Variants in TBC1D8B observed in about 807,000 individuals in gnomAD.
The protein encoded by TBC1D8B is TBC1 domain family member 8B, also known as RP11-321G1.1.
In TBC1D8B, 75 loss-of-function variants were observed where a neutral mutation model predicts 82.9. The observed-to-expected ratio is 0.90, with a 90% CI of 0.75 to 1.10. The LOEUF is 1.10. TBC1D8B is among the 50% of genes least tolerant of loss of function. The pLI is 0.00. For synonymous variants in TBC1D8B, 276 were observed against 276.8 expected, an observed-to-expected ratio of 1.00 and a Z score of 0.03; for missense variants, 794 against 796.9, an observed-to-expected ratio of 1.00 and a Z score of 0.04.
At chrX:106,809,824 C>A (rs1328342709) in intron 1 of TBC1D8B, among the ~76,000 whole-genome samples, 1 of 100,285 alleles carries the variant, frequency 1.0e-5, no homozygotes, top group Non-Finnish European at 2.0e-5. Context: ...GCGGAGGTTG[C>A]AGTGAGCCGA....
At chrX:106,866,655 G>T (rs1932816977) in intron 16 of TBC1D8B, 142 bp from the exon 17 acceptor site, 1 of 395,078 alleles carries the variant, frequency 2.5e-6, no homozygotes, top group Non-Finnish European at 4.4e-6. Context: ...TGACTAGGTG[G>T]TTGTTTAATT....
At chrX:106,859,973 G>A (rs913311411) in intron 14 of TBC1D8B, among the ~76,000 whole-genome samples, 1 of 111,681 alleles carries the variant, frequency 9.0e-6, no homozygotes. Flanking sequence ...GTTTTAGTTC[G>A]TTTTTGTGAT....
intron 1 of TBC1D8B, among the ~76,000 whole-genome samples, chrX:106,808,455 A>G (rs1931259492): frequency 8.9e-6 from 1 of 112,027 alleles, no homozygotes; most frequent in Admixed American, 9.5e-5. Context: ...TACTTTCCCC[A>G]TGTTGTATAT....
chrX:106,841,502 T>C (rs1254020935), intron 10 of TBC1D8B, among the ~76,000 whole-genome samples: 1 of 107,800 alleles, frequency 9.3e-6, no homozygotes, highest in Non-Finnish European at 1.9e-5. Context: ...AGTGAAGTAG[T>C]TGGAGAAAAA....
chrX:106,814,226 A>G (rs1216561881), intron 1 of TBC1D8B: 1 of 110,915 alleles, frequency 9.0e-6, no homozygotes, highest in Non-Finnish European at 1.9e-5. Context: ...CATGGTGTAT[A>G]TGTGCCACAT....
chrX:106,840,274 C>A, intron 9 of TBC1D8B, 76 bp downstream of exon 9: 1 of 987,646 alleles, frequency 1.0e-6, no homozygotes, highest in Non-Finnish European at 1.4e-6. Flanking sequence ...TAAGCTAAAG[C>A]AAAAGAATTA....
At chrX:106,838,781 T>C (rs1448293118) in intron 7 of TBC1D8B, among the ~76,000 whole-genome samples, 1 of 111,887 alleles carries the variant, frequency 8.9e-6, no homozygotes, top group African/African-American at 3.2e-5. Context: ...GTGAATAAAA[T>C]CAAATGATAA....
intron 1 of TBC1D8B, among the ~76,000 whole-genome samples, chrX:106,804,021 T>G (rs182745992): frequency 3.2e-3 from 358 of 112,017 alleles, no homozygotes; most frequent in Admixed American, 5.5e-3. Context: ...TTACTCAACC[T>G]TAAGCACCTA....
At chrX:106,870,177 C>T (rs1195971053) in intron 19 of TBC1D8B, among the ~76,000 whole-genome samples, 1 of 110,787 alleles carries the variant, frequency 9.0e-6, no homozygotes, top group Non-Finnish European at 1.9e-5. Flanking sequence ...ACTACAGGCG[C>T]CCACCACCAC....
At chrX:106,842,003 T>C (rs1932318041) in intron 10 of TBC1D8B, among the ~76,000 whole-genome samples, 1 of 111,625 alleles carries the variant, frequency 9.0e-6, no homozygotes, top group Non-Finnish European at 1.9e-5. Flanking sequence ...GCAGCTACTA[T>C]GGAAGAAGAG....
At chrX:106,872,236 G>T (rs1275775808) in intron 20 of TBC1D8B, among the ~76,000 whole-genome samples, 1 of 103,972 alleles carries the variant, frequency 9.6e-6, no homozygotes, top group African/African-American at 3.6e-5. Flanking sequence ...GGCGAGCTGA[G>T]ATTTAACCAT....
chrX:106,805,800 T>C (rs1337618212), intron 1 of TBC1D8B, among the ~76,000 whole-genome samples: 3 of 112,647 alleles, frequency 2.7e-5, no homozygotes, highest in Admixed American at 9.4e-5. Context: ...AAAAGCTTTG[T>C]TGTGCTTTAC....
At chrX:106,836,226 G>T (rs1932171814) in intron 7 of TBC1D8B, among the ~76,000 whole-genome samples, 1 of 111,910 alleles carries the variant, frequency 8.9e-6, no homozygotes, top group Admixed American at 9.5e-5. Context: ...TGAGTACTGA[G>T]TGAAGGGGGA....
chrX:106,875,183 A>G lies in TBC1D8B; in HGVS notation c.*1218A>G, dbSNP rs1404097519. 9.0e-6 allele frequency: 1 copy of G among 111,332 alleles called. No individual in the cohort carries two copies. The highest frequency in any genetic ancestry group is 9.6e-5 in the Admixed American group (1 of 10,407). The allele number at this position is 111,332 out of a possible 1,213,427, so 9.2% of individuals were successfully genotyped here. ...CCAAGGACAATTTATTAATCAATTGACTTAGAAAATAGGGGGAGAAATCAT... is the reference window on the plus strand; with the variant it reads ...CCAAGGACAATTTATTAATCAATTGGCTTAGAAAATAGGGGGAGAAATCAT... On this transcript the variant is annotated 3_prime_UTR_variant, in exon 21 of 21. Coordinates refer to ENST00000357242, the MANE Select transcript of TBC1D8B (RefSeq NM_017752.3).
chrX:106,855,187 T>C (rs1016736258), intron 14 of TBC1D8B, among the ~76,000 whole-genome samples: 1 of 112,200 alleles, frequency 8.9e-6, no homozygotes, highest in African/African-American at 3.2e-5. Context: ...CTGGGAAGAT[T>C]AATGTTTCTG....
chrX:106,814,359 T>TACAA (rs1931471916), intron 1 of TBC1D8B: 2 of 106,749 alleles, frequency 1.9e-5, no homozygotes, highest in East Asian at 5.9e-4. Flanking sequence ...TTATAGTCCC[T>TACAA]ACAAAGGACA....
intron 5 of TBC1D8B, among the ~76,000 whole-genome samples, chrX:106,824,171 G>A (rs1299516336): frequency 9.0e-6 from 1 of 111,699 alleles, no homozygotes; most frequent in Non-Finnish European, 1.9e-5. Context: ...ATTCTGAACA[G>A]TTGACTAAAA....
At chrX:106,857,451 C>T (rs1252522504) in intron 14 of TBC1D8B, among the ~76,000 whole-genome samples, 2 of 111,622 alleles carry the variant, frequency 1.8e-5, no homozygotes, top group Admixed American at 9.5e-5. Context: ...CACACCCAGC[C>T]GCAGGTTTGT....
chrX:106,824,733 G>T (rs1013812160), intron 5 of TBC1D8B, among the ~76,000 whole-genome samples: 1 of 111,234 alleles, frequency 9.0e-6, no homozygotes, highest in Non-Finnish European at 1.9e-5. Context: ...TTGTCTGTGT[G>T]CATTTTTAGG....
Sources: gnomAD v4.1 joint callset for allele counts (sites outside exome capture counted in the v4.1 genomes callset) on GRCh38, gnomAD v4.1.1 for gene constraint, MANE v1.5 for transcripts, NCBI Gene and HGNC (gene_info 2026-07-23, HGNC 2026-07-21) for gene names.